RAD51B: variants seen among roughly 807,000 people sequenced by gnomAD.
The protein encoded by RAD51B is DNA repair protein RAD51 homolog 2.
In RAD51B, 38 loss-of-function variants were observed where a neutral mutation model predicts 42.2. The observed-to-expected ratio is 0.90, with a 90% confidence interval of 0.70 to 1.18. The LOEUF is 1.18. Among genes scored for constraint, RAD51B ranks in the 50% most tolerant of loss-of-function variants. The pLI is 0.00. For synonymous variants in RAD51B, 154 were observed against 145.2 expected, an observed-to-expected ratio of 1.06 and a Z score of -0.43; for missense variants, 373 against 400.7, an observed-to-expected ratio of 0.93 and a Z score of 0.59.
intron 10 of RAD51B, among the ~76,000 whole-genome samples, chr14:68,511,397 T>C (rs1156673968): frequency 6.6e-6 from 1 of 152,176 alleles, no homozygotes; most frequent in Admixed American, 6.5e-5. Context: ...CTGCTTTGAA[T>C]ATGAAACCTC....
intron 10 of RAD51B, among the ~76,000 whole-genome samples, chr14:68,544,765 T>C (rs548239429): frequency 1.3e-5 from 2 of 152,262 alleles, no homozygotes; most frequent in Admixed American, 1.3e-4. Flanking sequence ...GCATCAAGCC[T>C]AAAAAAATGC....
intron 7 of RAD51B, among the ~76,000 whole-genome samples, chr14:68,290,286 A>G (rs968622842): frequency 5.9e-5 from 9 of 152,240 alleles, no homozygotes; most frequent in African/African-American, 1.4e-4. Flanking sequence ...CAGAAGGGAC[A>G]TTGCCTCTGA....
chr14:68,446,651 G>T (rs1254730221), intron 9 of RAD51B, among the ~76,000 whole-genome samples: 2 of 152,146 alleles, frequency 1.3e-5, no homozygotes, highest in African/African-American at 2.4e-5. Flanking sequence ...AGCTCCTTGT[G>T]GCTGTCTTTG....
chr14:68,187,700 G>A (rs752728038), intron 7 of RAD51B, among the ~76,000 whole-genome samples: 39 of 151,968 alleles, frequency 2.6e-4, no homozygotes, highest in African/African-American at 8.7e-4. Flanking sequence ...TTTTCAATGC[G>A]TATATTAACA....
At chr14:68,244,053 T>TA (rs1178713722) in intron 7 of RAD51B, among the ~76,000 whole-genome samples, 4 of 152,304 alleles carry the variant, frequency 2.6e-5, no homozygotes, top group East Asian at 3.9e-4. Context: ...TGTTATCTGT[T>TA]AAAAAAACAA....
In RAD51B at chr14:68,132,860, A is replaced by G. The variant is rs140175198; in HGVS notation, c.757-159024A>G. The stretch of plus-strand genomic sequence containing the variant: ...AAGAGAAACTCTCTCTAGCACATTT[A>G]GTGAGAAAAACCTTGGAAAAATTCT... On this transcript the variant is annotated intron_variant, in intron 7 of 10. Transcript: ENST00000471583. Among the ~76,000 whole-genome samples, 22 of 152,352 alleles carry G rather than the reference A, an allele frequency of 1.4e-4. 1 individual carries two copies. The East Asian group carries it at 3.5e-3, about 24-fold the overall frequency.
At chr14:68,550,076 C>T (rs577569946) in intron 10 of RAD51B, among the ~76,000 whole-genome samples, 1 of 152,288 alleles carries the variant, frequency 6.6e-6, no homozygotes, top group Non-Finnish European at 1.5e-5. Context: ...CTTTCTCACC[C>T]CTCTGCAGGC....
At chr14:68,328,771 A>G (rs1321684789) in intron 8 of RAD51B, among the ~76,000 whole-genome samples, 1 of 152,154 alleles carries the variant, frequency 6.6e-6, no homozygotes, top group Non-Finnish European at 1.5e-5. Flanking sequence ...CCTTCTGGGG[A>G]AGAGGAGCCT....
chr14:68,622,046 G>A (rs1891961164), intron 10 of RAD51B, among the ~76,000 whole-genome samples: 1 of 152,190 alleles, frequency 6.6e-6, no homozygotes, highest in Non-Finnish European at 1.5e-5. Flanking sequence ...TGGAACCTGG[G>A]CACCTGGAAT....
At chr14:68,404,294 C>T (rs1594788775) in intron 8 of RAD51B, among the ~76,000 whole-genome samples, 1 of 152,138 alleles carries the variant, frequency 6.6e-6, no homozygotes, top group African/African-American at 2.4e-5. Flanking sequence ...GGAGTGAGCA[C>T]CTCAATTTTT....
rs562804219 is a variant in RAD51B, at chr14:68,097,112, C to G, written c.757-194772C>G. 2.1e-4 allele frequency among the ~76,000 whole-genome samples: 32 copies of G among 152,148 alleles called. No homozygotes were observed. In the South Asian group the frequency reaches 6.4e-3, roughly 31 times the overall value. ...TTTCAGTTGTTTATTATGGATTTCT[C>G]TCTTGATGAATGCATTCATACAATT... On this transcript the variant is annotated intron_variant, in intron 7 of 10. Coordinates refer to ENST00000471583, the MANE Select transcript of RAD51B (RefSeq NM_133510.4).
intron 7 of RAD51B, among the ~76,000 whole-genome samples, chr14:67,928,325 G>A (rs756472203): frequency 6.6e-6 from 1 of 152,128 alleles, no homozygotes; most frequent in Non-Finnish European, 1.5e-5. Flanking sequence ...ATTTTAAGGA[G>A]CGGAGAGTTT....
intron 7 of RAD51B, among the ~76,000 whole-genome samples, chr14:68,057,644 C>G (rs941172929): frequency 3.9e-5 from 6 of 152,004 alleles, no homozygotes; most frequent in Non-Finnish European, 8.8e-5. Flanking sequence ...CTTTCAGAAT[C>G]TCTTAGCTTT....
chr14:68,339,682 G>A (rs1014926970), intron 8 of RAD51B, among the ~76,000 whole-genome samples: 2 of 152,098 alleles, frequency 1.3e-5, no homozygotes, highest in African/African-American at 4.8e-5. Flanking sequence ...GTGATTTAAC[G>A]TTACAGATGC....
chr14:68,008,689 G>A (rs2075632606), intron 7 of RAD51B, among the ~76,000 whole-genome samples: 1 of 152,004 alleles, frequency 6.6e-6, no homozygotes, highest in South Asian at 2.1e-4. Flanking sequence ...AGTTTAAAGT[G>A]TTGACAGTTG....
intron 9 of RAD51B, among the ~76,000 whole-genome samples, chr14:68,418,722 C>A (rs189714591): frequency 1.3e-5 from 2 of 152,306 alleles, no homozygotes; most frequent in African/African-American, 4.8e-5. Flanking sequence ...CCCTGAAAGT[C>A]AAGGACCTTG....
intron 7 of RAD51B, among the ~76,000 whole-genome samples, chr14:68,142,959 C>T (rs1198673720): frequency 2.0e-5 from 3 of 150,390 alleles, no homozygotes; most frequent in Non-Finnish European, 4.4e-5. Flanking sequence ...TGCACTCCAG[C>T]CTGGGCGACA....
At chr14:68,599,165 AG>A (rs1234013990), downstream of RAD51B, among the ~76,000 whole-genome samples, 1 of 152,164 alleles carries the variant, frequency 6.6e-6, no homozygotes, top group Admixed American at 6.5e-5. Flanking sequence ...CTTTGAACAC[AG>A]GGGGCTGCCA....
intron 7 of RAD51B, among the ~76,000 whole-genome samples, chr14:68,008,043 A>G (rs1203001073): frequency 6.6e-6 from 1 of 151,930 alleles, no homozygotes; most frequent in Non-Finnish European, 1.5e-5. Flanking sequence ...TAGGAAATGT[A>G]AATTGATTAC....
Sources: gnomAD v4.1 joint callset for allele counts (sites outside exome capture counted in the v4.1 genomes callset) on GRCh38, gnomAD v4.1.1 for gene constraint, MANE v1.5 for transcripts, NCBI Gene and HGNC (gene_info 2026-07-23, HGNC 2026-07-21) for gene names.